The following NR2F6 variants were observed in gnomAD, a reference collection of about 807,000 sequenced individuals.
NR2F6 encodes the protein ERBA-related gene-2.
In NR2F6, 16 loss-of-function variants were observed where a neutral mutation model predicts 26.5. The observed-to-expected ratio is 0.60, with a 90% CI of 0.41 to 0.92. The LOEUF (loss-of-function observed/expected upper bound fraction) is 0.92. Among genes scored for constraint, NR2F6 ranks in the 40% least tolerant of loss-of-function variants. NR2F6 has a pLI of 0.00. For missense variants in NR2F6, 536 were observed against 631.7 expected, an observed-to-expected ratio of 0.85 and a Z score of 1.62; for synonymous variants, 325 against 305.0, an observed-to-expected ratio of 1.07 and a Z score of -0.68.
rs983137100 is a variant in NR2F6, at chr19:17,245,309, T to C, written c.-89A>G. 4.5e-6 allele frequency: 5 copies of C among 1,111,842 alleles called. No homozygotes were observed. Among genetic ancestry groups the C allele is most frequent in the African/African-American group, 3.3e-5 (2 of 60,336 alleles). 68.9% of individuals were successfully genotyped at this position (1,111,842 alleles called of 1,614,324 possible). A position where few individuals can be genotyped will look rare whatever the true frequency, so the allele number is the denominator to read the frequency against. ...CCCGGGGGACCCTACGCGGCGCGCA[T>C]TCGGCCCCGGCGCGCGGGGGGCACG... On this transcript the variant is annotated 5_prime_UTR_variant, in exon 1 of 4. An upstream start codon of the reference 5' UTR is lost. Coordinates refer to ENST00000291442, the MANE Select transcript of NR2F6 (RefSeq NM_005234.4). This position sits in a 1 kb window ranked among gnomAD's most constrained non-coding sequence, Gnocchi z 5.0.
chr19:17,237,875 C>T (rs1314908023), intron 2 of NR2F6, among the ~76,000 whole-genome samples: 2 of 145,432 alleles, frequency 1.4e-5, no homozygotes, highest in South Asian at 2.1e-4. Flanking sequence ...GACAGTGGCT[C>T]CCATTTGCAA....
At chr19:17,242,837 G>A (rs976545319) in intron 1 of NR2F6, among the ~76,000 whole-genome samples, 1 of 152,202 alleles carries the variant, frequency 6.6e-6, no homozygotes, top group Non-Finnish European at 1.5e-5. Context: ...TCCCTCCAAG[G>A]AGGGAAACAG....
intron 3 of NR2F6, among the ~76,000 whole-genome samples, chr19:17,233,011 T>C (rs1340918319): frequency 2.0e-5 from 3 of 152,064 alleles, no homozygotes; most frequent in Non-Finnish European, 2.9e-5. Flanking sequence ...TAGCCAGGCA[T>C]GGTAGTGCGT....
Position 17,235,701 on chromosome 19 carries a change from G to A in NR2F6, c.738C>T (p.Asn246=), listed in dbSNP as rs1178250731. The change falls in exon 3 of 4, where the codon AAC becomes AAT. Residue 246 remains asparagine, a synonymous_variant. Coordinates refer to ENST00000291442, the MANE Select transcript of NR2F6 (RefSeq NM_005234.4). The surrounding 1 kb of genome is among the most constrained non-coding windows in gnomAD (Gnocchi z 5.0). ...RLSWSELFVL[N]AAQAALPLHT... ...GCAGGGGCAGCGCCGCCTGCGCCGC[G>A]TTCAGCACGAAGAGCTCGCTCCAGC... is the stretch of plus-strand genomic sequence containing the variant. 2.0e-6 allele frequency: 3 copies of A among 1,495,328 alleles called. No individual in the cohort carries two copies. Among genetic ancestry groups the A allele is most frequent in the Non-Finnish European group, 1.8e-6 (2 of 1,132,084 alleles). The allele number at this position is 1,495,328 out of a possible 1,614,324, so 92.6% of individuals were successfully genotyped here.
intron 2 of NR2F6, among the ~76,000 whole-genome samples, chr19:17,238,169 C>CT (rs903278124): frequency 6.6e-6 from 1 of 152,178 alleles, no homozygotes; most frequent in Non-Finnish European, 1.5e-5. Flanking sequence ...AAATGAGAAT[C>CT]TATACCTTAA....
chr19:17,233,342 AAAC>A (rs1405400108), intron 3 of NR2F6, among the ~76,000 whole-genome samples: 1 of 149,820 alleles, frequency 6.7e-6, no homozygotes, highest in Non-Finnish European at 1.5e-5. Context: ...AAACAAAACA[AAAC>A]AAAAAACGAC....
rs892561957 is a variant in NR2F6 at position 17,235,421 on chromosome 19, A to G, written c.940+78T>C. ...GCGAGCGGGGCGCTATGGGGGCCGG[A>G]GTCTGGGTCCAGGCCGCCCTCCTCC... is the stretch of plus-strand genomic sequence containing the variant. On this transcript the variant is annotated intron_variant, in intron 3 of 3. Coordinates refer to ENST00000291442, the MANE Select transcript of NR2F6 (RefSeq NM_005234.4). This position sits in a 1 kb window ranked among gnomAD's most constrained non-coding sequence, Gnocchi z 5.0. 8 of 1,515,522 alleles carry G rather than the reference A, an allele frequency of 5.3e-6. No homozygotes were observed. Among genetic ancestry groups the G allele is most frequent in the Non-Finnish European group, 7.0e-6 (8 of 1,137,900 alleles). 93.9% of individuals were successfully genotyped at this position (1,515,522 alleles called of 1,614,324 possible). A position where few individuals can be genotyped will look rare whatever the true frequency, so the allele number is the denominator to read the frequency against.
chr19:17,233,678 G>A (rs1030361985), intron 3 of NR2F6, among the ~76,000 whole-genome samples: 2 of 151,996 alleles, frequency 1.3e-5, no homozygotes, highest in African/African-American at 4.8e-5. Context: ...TGTATTTTTA[G>A]TAGAGACGGG....
intron 3 of NR2F6, among the ~76,000 whole-genome samples, chr19:17,233,226 A>G (rs990022161): frequency 6.6e-6 from 1 of 151,950 alleles, no homozygotes; most frequent in Admixed American, 6.6e-5. Flanking sequence ...CTGAGGTGGG[A>G]GGATCTCTTG....
intron 1 of NR2F6, among the ~76,000 whole-genome samples, chr19:17,241,536 A>G (rs1056299756): frequency 6.6e-6 from 1 of 152,224 alleles, no homozygotes; most frequent in Non-Finnish European, 1.5e-5. Flanking sequence ...AGGAAGGTCC[A>G]GGCCTTATTC....
intron 2 of NR2F6, among the ~76,000 whole-genome samples, chr19:17,238,567 C>T (rs2073451724): frequency 6.6e-6 from 1 of 152,160 alleles, no homozygotes; most frequent in African/African-American, 2.4e-5. Flanking sequence ...TTGGAGACTT[C>T]TGGCGAGGCT....
At chr19:17,238,848 G>A (rs573613454) in intron 2 of NR2F6, among the ~76,000 whole-genome samples, 4 of 152,090 alleles carry the variant, frequency 2.6e-5, no homozygotes, top group South Asian at 2.1e-4. Context: ...TGGGAGGGTC[G>A]CTTCAAGCTA....
At position 17,245,542 on chromosome 19, in the gene NR2F6, CA is replaced by C. The variant is rs952691436; in HGVS notation, c.-323del. On this transcript the variant is annotated 5_prime_UTR_variant, in exon 1 of 4. It removes an upstream start codon present in the reference 5' UTR. Transcript: ENST00000291442. This position sits in a 1 kb window ranked among gnomAD's most constrained non-coding sequence, Gnocchi z 5.0. ...GGGGCCCCGGCGGGGGCGCGCGGGC[CA>C]TGGCCCGGCCCGAGCCGCGCAGGGG... 1 of 146,834 alleles carries C rather than the reference CA, an allele frequency of 6.8e-6. No homozygotes were observed. Among genetic ancestry groups the C allele is most frequent in the Non-Finnish European group, 1.5e-5 (1 of 66,068 alleles). 9.1% of individuals were successfully genotyped at this position (146,834 alleles called of 1,614,324 possible).
At chr19:17,240,613 G>A (rs2073463915) in intron 2 of NR2F6, 58 bp downstream of exon 2, 3 of 1,561,734 alleles carry the variant, frequency 1.9e-6, no homozygotes, top group Non-Finnish European at 2.6e-6. Flanking sequence ...GAAGCTGTTT[G>A]TTCACCCCGG....
chr19:17,235,795 T>C lies in NR2F6; in HGVS notation c.644A>G (p.Glu215Gly), dbSNP rs1427898426. The C allele has an allele frequency of 1.3e-6, 2 of 1,495,340 alleles. No individual in the cohort carries two copies. The highest frequency in any genetic ancestry group is 8.8e-7 in the Non-Finnish European group (1 of 1,131,272). 92.6% of individuals were successfully genotyped at this position (1,495,340 alleles called of 1,614,324 possible). A position where few individuals can be genotyped will look rare whatever the true frequency, so the allele number is the denominator to read the frequency against. Residue 215 changes from glutamate (E) to glycine (G), a missense_variant, in exon 3 of 4, where the codon GAG becomes GGG. Glu to Gly is a moderately conservative substitution (Grantham distance 98). Transcript: ENST00000291442. The surrounding 1 kb of genome is among the most constrained non-coding windows in gnomAD (Gnocchi z 5.0). ...GAAGAAGGGCGCGTGGCGCGCCCAC[T>C]CCACGGTGCTGAAGAGCAGCCGCGC... ...LAARLLFSTV[E>G]WARHAPFFPE... is the part of the protein sequence containing the mutation.
chr19:17,245,033 G>C lies in NR2F6; in HGVS notation c.188C>G (p.Ser63Trp). 1 of 1,602,868 alleles carries C rather than the reference G, an allele frequency of 6.2e-7. No homozygotes were observed. Among genetic ancestry groups the C allele is most frequent in the Non-Finnish European group, 8.5e-7 (1 of 1,175,420 alleles). Residue 63 changes from serine to tryptophan, a missense_variant, in exon 1 of 4, where the codon TCG becomes TGG. Coordinates refer to ENST00000291442, the MANE Select transcript of NR2F6 (RefSeq NM_005234.4). This position sits in a 1 kb window ranked among gnomAD's most constrained non-coding sequence, Gnocchi z 5.0. ...GAAGACACCGTAATGCTTGCCGCTC[G>C]ACTTGTCCCCGCACACCACGCAGTC... is the stretch of plus-strand genomic sequence containing the variant. ...QVDCVVCGDK[S>W]SGKHYGVFTC...
chr19:17,243,437 A>C (rs1352770115), intron 1 of NR2F6, among the ~76,000 whole-genome samples: 1 of 152,082 alleles, frequency 6.6e-6, no homozygotes, highest in Non-Finnish European at 1.5e-5. Flanking sequence ...CTGACACAGC[A>C]CAAACCTGTC....
intron 3 of NR2F6, among the ~76,000 whole-genome samples, chr19:17,234,231 A>C (rs1467601767): frequency 6.6e-6 from 1 of 151,840 alleles, no homozygotes; most frequent in East Asian, 1.9e-4. Context: ...TCAAAAAAAA[A>C]AAAAAAAAAT....
chr19:17,237,625 T>C (rs1599454891), intron 2 of NR2F6, among the ~76,000 whole-genome samples: 1 of 152,136 alleles, frequency 6.6e-6, no homozygotes, highest in African/African-American at 2.4e-5. Flanking sequence ...TTGGCCAGGA[T>C]GGTCTCAATC....
Sources: gnomAD v4.1 joint callset for allele counts (sites outside exome capture counted in the v4.1 genomes callset) on GRCh38, gnomAD v4.1.1 for gene constraint, Gnocchi (gnomAD v3.1) non-coding constraint, MANE v1.5 for transcripts, NCBI Gene and HGNC (gene_info 2026-07-23, HGNC 2026-07-21) for gene names.